The following BCR variants were observed in gnomAD, a reference collection of about 807,000 sequenced individuals.
The protein encoded by BCR is breakpoint cluster region protein.
A neutral mutation model predicts 138.6 loss-of-function variants in BCR; 58 were observed. That is an observed-to-expected ratio of 0.42 (90% CI 0.34 to 0.52). The LOEUF (loss-of-function observed/expected upper bound fraction) is 0.52. Among genes scored for constraint, BCR ranks in the 20% least tolerant of loss-of-function variants. The pLI, the probability that BCR is intolerant of heterozygous loss-of-function variation, is 0.06. For synonymous variants in BCR, 786 were observed against 730.1 expected, an observed-to-expected ratio of 1.08 and a Z score of -1.23; for missense variants, 1,599 against 1,727.2, an observed-to-expected ratio of 0.93 and a Z score of 1.32.
chr22:23,263,801 GC>G (rs1568961923), intron 4 of BCR: 1 of 1,334,352 alleles, frequency 7.5e-7, no homozygotes, highest in East Asian at 2.3e-5. Context: ...CCAAGGTGTG[GC>G]CTTTGGCCTC....
At chr22:23,287,375 T>A in intron 11 of BCR, 97 bp downstream of exon 11, 1 of 1,432,662 alleles carries the variant, frequency 7.0e-7, no homozygotes, top group Admixed American at 2.7e-5. Context: ...TGCGCCCCAC[T>A]CTGAGAGAGG....
chr22:23,273,594 G>T, intron 7 of BCR, 40 bp from the exon 8 acceptor site: 2 of 1,610,876 alleles, frequency 1.2e-6, no homozygotes, highest in Admixed American at 3.3e-5. Flanking sequence ...AGGTGCCAGT[G>T]CTCCTCTGTG....
At chr22:23,263,296 G>A (rs1387478976) in intron 4 of BCR, 13 of 1,143,080 alleles carry the variant, frequency 1.1e-5, no homozygotes, top group Admixed American at 3.6e-5. Context: ...CAGGTGTACC[G>A]CTGGCTGTGG....
At chr22:23,274,736 C>T (rs997502935) in intron 8 of BCR, among the ~76,000 whole-genome samples, 2 of 151,874 alleles carry the variant, frequency 1.3e-5, no homozygotes, top group Admixed American at 1.3e-4. Flanking sequence ...GGTGAAACCC[C>T]GTCTCTACTA....
Position 23,285,047 on chromosome 22 carries a change from A to G in BCR, c.2252A>G (p.Tyr751Cys). The stretch of plus-strand genomic sequence containing the variant: ...CCCATCCCCAGCAAAACGCAGCAGT[A>G]TGACTGCAAATGGTACATTCCGCTC... ...KKQSGGKTQQ[Y>C]DCKWYIPLTD... Residue 751 changes from tyrosine to cysteine, a missense_variant, in exon 10 of 23, where the codon TAT (tyrosine) becomes TGT (cysteine). This residue lies in a region of BCR where 590 missense variants were observed against 762.4 expected (regional missense o/e 0.77). Coordinates refer to ENST00000305877, the MANE Select transcript of BCR (RefSeq NM_004327.4). The G allele has an allele frequency of 1.2e-6, 2 of 1,613,676 alleles. No individual in the cohort carries two copies. Among genetic ancestry groups the G allele is most frequent in the Non-Finnish European group, 1.7e-6 (2 of 1,179,670 alleles).
At chr22:23,186,496 G>A (rs1394752708) in intron 1 of BCR, among the ~76,000 whole-genome samples, 1 of 152,030 alleles carries the variant, frequency 6.6e-6, no homozygotes, top group East Asian at 1.9e-4. Context: ...TGTCCATCTT[G>A]AACTTTTTCA....
chr22:23,242,870 G>A (rs1418113612), intron 1 of BCR: 1 of 455,682 alleles, frequency 2.2e-6, no homozygotes, highest in African/African-American at 2.0e-5. Flanking sequence ...GGCTGTCTCT[G>A]GAGGCTCTAG....
intron 21 of BCR, 136 bp downstream of exon 21, chr22:23,314,209 A>AC (rs2074041291): frequency 1.4e-6 from 1 of 713,058 alleles, no homozygotes; most frequent in Non-Finnish European, 2.4e-6. Flanking sequence ...GCCTTTGGCG[A>AC]CTAGTGCCAC....
At chr22:23,291,755 G>A (rs961251187) in intron 14 of BCR, among the ~76,000 whole-genome samples, 7 of 152,012 alleles carry the variant, frequency 4.6e-5, no homozygotes, top group East Asian at 1.9e-4. Flanking sequence ...CCATCCACCC[G>A]CATGGCCAAG....
Position 23,273,131 on chromosome 22 carries a change from C to T in BCR, c.1972C>T (p.His658Tyr). Residue 658 changes from histidine (H) to tyrosine (Y), a missense_variant and splice_region_variant, in exon 7 of 23, where the codon CAT becomes TAT. Physicochemically the swap from His to Tyr is moderately conservative, Grantham distance 83. This residue lies in a region of BCR where 590 missense variants were observed against 762.4 expected (regional missense o/e 0.77). Transcript: ENST00000305877. ...DRVTRSTLVL[H>Y]DLLKHTPASH... is the part of the protein sequence containing the mutation. Reference sequence around the variant, plus strand: ...TGTGACGAGGAGCACGCTGGTCCTCCATGTAAGTCACAGCGCCCCTCTGGA... The same window carrying T: ...TGTGACGAGGAGCACGCTGGTCCTCTATGTAAGTCACAGCGCCCCTCTGGA... 1 of 1,613,298 alleles carries T rather than the reference C, an allele frequency of 6.2e-7. No homozygotes were observed. Among genetic ancestry groups the T allele is most frequent in the Non-Finnish European group, 8.5e-7 (1 of 1,179,568 alleles).
chr22:23,266,550 C>T (rs542779861), intron 4 of BCR, among the ~76,000 whole-genome samples: 3 of 152,226 alleles, frequency 2.0e-5, no homozygotes, highest in South Asian at 4.1e-4. Flanking sequence ...CCGTCACGCC[C>T]GTCTAATTTT....
chr22:23,203,572 A>G, intron 1 of BCR, among the ~76,000 whole-genome samples: 1 of 152,168 alleles, frequency 6.6e-6, no homozygotes, highest in South Asian at 2.1e-4. Flanking sequence ...GAAACAGTCC[A>G]GCTTTGATAG....
chr22:23,291,228 C>T (rs1272155588), intron 14 of BCR: 1 of 150,918 alleles, frequency 6.6e-6, no homozygotes, highest in Non-Finnish European at 1.5e-5. Context: ...AAAAAAAGTT[C>T]CTAGAAACAG....
chr22:23,194,449 C>T (rs1179832752), intron 1 of BCR, among the ~76,000 whole-genome samples: 3 of 148,946 alleles, frequency 2.0e-5, no homozygotes, highest in Non-Finnish European at 3.0e-5. Context: ...CTCGCTCTGT[C>T]GCCCAGGCTG....
chr22:23,298,783 A>G (rs950395778), intron 16 of BCR, among the ~76,000 whole-genome samples: 2 of 152,034 alleles, frequency 1.3e-5, no homozygotes, highest in African/African-American at 4.8e-5. Context: ...TTTTTAGTAG[A>G]GACGGGGTTT....
intron 8 of BCR, 59 bp downstream of exon 8, chr22:23,273,833 G>C: frequency 6.2e-7 from 1 of 1,603,818 alleles, no homozygotes; most frequent in Admixed American, 1.7e-5. Flanking sequence ...GGGCATGCAG[G>C]GCCCCTCGAT....
At chr22:23,290,500 CAGGG>C (rs1320545773) in intron 14 of BCR, 87 bp downstream of exon 14, 1 of 1,388,562 alleles carries the variant, frequency 7.2e-7, no homozygotes, top group Admixed American at 1.7e-5. Flanking sequence ...TGTGGGGAAA[CAGGG>C]AGGTTGTTCA....
intron 4 of BCR, among the ~76,000 whole-genome samples, chr22:23,266,594 T>C (rs2146282499): frequency 6.6e-6 from 1 of 152,356 alleles, no homozygotes; most frequent in South Asian, 2.1e-4. Flanking sequence ...ATTGCCATGT[T>C]GGCCAGGTTG....
intron 1 of BCR, among the ~76,000 whole-genome samples, chr22:23,249,322 C>T (rs2146263246): frequency 6.6e-6 from 1 of 151,948 alleles, no homozygotes; most frequent in Non-Finnish European, 1.5e-5. Context: ...GTCCCAGCTA[C>T]TCCGGAGGCT....
Sources: gnomAD v4.1 joint callset for allele counts (sites outside exome capture counted in the v4.1 genomes callset) on GRCh38, gnomAD v4.1.1 for gene constraint, gnomAD v4.1.1 regional missense constraint, MANE v1.5 for transcripts, NCBI Gene and HGNC (gene_info 2026-07-23, HGNC 2026-07-21) for gene names.